INPP5D: variants seen among roughly 807,000 people sequenced by gnomAD.
INPP5D encodes inositol polyphosphate-5-phosphatase D.
A neutral mutation model predicts 122.9 loss-of-function variants in INPP5D; 33 were observed. That is an observed-to-expected ratio of 0.27 (90% CI 0.20 to 0.36). The LOEUF is 0.36. INPP5D is among the 10% of genes least tolerant of loss of function. The pLI is 1.00. For missense variants in INPP5D, 1,053 were observed against 1,412.7 expected (o/e 0.75, Z 4.08); for synonymous variants, 584 against 576.2 (o/e 1.01, Z -0.19).
rs998387692 is a variant in INPP5D, at chr2:233,082,779, T to C, written c.198+3381T>C. Among the ~76,000 whole-genome samples the C allele has an allele frequency of 9.2e-5, 14 of 152,298 alleles. No individual in the cohort carries two copies. In the South Asian group the frequency reaches 1.0e-3, roughly 11 times the overall value. On this transcript the variant is annotated intron_variant, in intron 2 of 26. Coordinates refer to ENST00000445964, the MANE Select transcript of INPP5D (RefSeq NM_001017915.3). This position sits in a 1 kb window ranked among gnomAD's most constrained non-coding sequence, Gnocchi z 4.7. The stretch of plus-strand genomic sequence containing the variant: ...GGGAGGGCAGGATGCAAACTGTAAC[T>C]TCATCCAACCCCCTCGTTCTAAATA...
chr2:233,124,404 A>C (rs1693091197), intron 3 of INPP5D, among the ~76,000 whole-genome samples: 1 of 152,170 alleles, frequency 6.6e-6, no homozygotes, highest in African/African-American at 2.4e-5. Flanking sequence ...CACACTTTTC[A>C]TGGTTGTGCA....
chr2:233,186,887 TA>T (rs1451425731), intron 21 of INPP5D, among the ~76,000 whole-genome samples: 1 of 151,430 alleles, frequency 6.6e-6, no homozygotes, highest in East Asian at 2.0e-4. Context: ...CACACCCATC[TA>T]ATTTTTGTAC....
At chr2:233,193,647 T>C (rs955303629) in intron 22 of INPP5D, among the ~76,000 whole-genome samples, 165 bp from the exon 23 acceptor site, 2 of 152,218 alleles carry the variant, frequency 1.3e-5, no homozygotes, top group African/African-American at 2.4e-5. Flanking sequence ...GTTCTAAGAC[T>C]TGAGACATTT....
intron 2 of INPP5D, among the ~76,000 whole-genome samples, chr2:233,110,609 T>C (rs190934409): frequency 2.6e-5 from 4 of 152,308 alleles, no homozygotes; most frequent in East Asian, 3.9e-4. Context: ...AACAAACTAT[T>C]ACAGTGTTTA....
At chr2:233,084,036 C>G (rs1408140671) in intron 2 of INPP5D, among the ~76,000 whole-genome samples, 1 of 152,086 alleles carries the variant, frequency 6.6e-6, no homozygotes, top group African/African-American at 2.4e-5. Flanking sequence ...ATGGGAGCAC[C>G]CCCAGGTGTT....
chr2:233,073,076 C>T (rs1214948860), intron 1 of INPP5D, among the ~76,000 whole-genome samples: 2 of 152,196 alleles, frequency 1.3e-5, no homozygotes, highest in African/African-American at 2.4e-5. Flanking sequence ...CAGCCCATCC[C>T]CCCTTCACTC....
intron 2 of INPP5D, among the ~76,000 whole-genome samples, chr2:233,118,649 G>A (rs1692875076): frequency 6.6e-6 from 1 of 152,226 alleles, no homozygotes; most frequent in African/African-American, 2.4e-5. Context: ...CAGGCACAGG[G>A]TGCTTCCTGC....
At chr2:233,134,546 T>A (rs1258727717) in intron 5 of INPP5D, among the ~76,000 whole-genome samples, 1 of 152,164 alleles carries the variant, frequency 6.6e-6, no homozygotes, top group Non-Finnish European at 1.5e-5. Flanking sequence ...GTTGTGACGA[T>A]GTCCCCGTGC....
rs1695416911 is a variant in INPP5D, at chr2:233,204,238, A to C, written c.3088A>C (p.Lys1030Gln). ...GTATGGGTCCCTGAGTTCCTTCCCT[A>C]AGCCTGCTCCCAGGAAGGACCAGGA... ...PLYGSLSSFP[K>Q]PAPRKDQESP... The change falls in exon 26 of 27, where the codon AAG (lysine) becomes CAG (glutamine). Residue 1030 changes from lysine (K) to glutamine (Q), a missense_variant. Lys to Gln is a moderately conservative substitution (Grantham distance 53). Around this residue, in one of 6 missense-constraint regions of INPP5D, gnomAD observed 417 missense variants for 425.8 expected, o/e 0.98. Transcript: ENST00000445964. The C allele has an allele frequency of 6.2e-7, 1 of 1,613,418 alleles. No homozygotes were observed. Among genetic ancestry groups the C allele is most frequent in the South Asian group, 1.1e-5 (1 of 91,070 alleles).
At chr2:233,097,349 C>A (rs1362590917) in intron 2 of INPP5D, among the ~76,000 whole-genome samples, 1 of 152,116 alleles carries the variant, frequency 6.6e-6, no homozygotes, top group Non-Finnish European at 1.5e-5. Flanking sequence ...TTAAAATCAG[C>A]TTGTCAAGTT....
rs1692428655 is a variant in INPP5D at position 233,105,058 on chromosome 2, G to C, written c.199-17049G>C. 6.6e-6 allele frequency among the ~76,000 whole-genome samples: 1 copy of C among 152,208 alleles called. No homozygotes were observed. The highest frequency in any genetic ancestry group is 2.4e-5 in the African/African-American group (1 of 41,450). ...TCCAGGCCCCCATTGGCTGTCTTGGGTAGGGATAGGGAATGTGGACCTCCC... is the reference window on the plus strand; with the variant it reads ...TCCAGGCCCCCATTGGCTGTCTTGGCTAGGGATAGGGAATGTGGACCTCCC... On this transcript the variant is annotated intron_variant, in intron 2 of 26. Coordinates refer to ENST00000445964, the MANE Select transcript of INPP5D (RefSeq NM_001017915.3). This position sits in a 1 kb window ranked among gnomAD's most constrained non-coding sequence, Gnocchi z 4.0.
intron 2 of INPP5D, among the ~76,000 whole-genome samples, chr2:233,102,138 C>G (rs975131272): frequency 6.6e-6 from 1 of 152,160 alleles, no homozygotes; most frequent in African/African-American, 2.4e-5. Flanking sequence ...TACTCTAGAT[C>G]GCACAACCAG....
chr2:233,206,010 C>T lies in INPP5D; in HGVS notation c.3568-696C>T, dbSNP rs935483254. 1.3e-5 allele frequency among the ~76,000 whole-genome samples: 2 copies of T among 152,016 alleles called. No homozygotes were observed. The highest frequency in any genetic ancestry group is 6.6e-5 in the Admixed American group (1 of 15,254). ...AGGAGAATTGCTTGAACCCAGGAGG[C>T]GGAGGTTGCAGTGAACCGAGATCGC... On this transcript the variant is annotated intron_variant, in intron 26 of 26. Coordinates refer to ENST00000445964, the MANE Select transcript of INPP5D (RefSeq NM_001017915.3). The surrounding 1 kb of genome is among the most constrained non-coding windows in gnomAD (Gnocchi z 4.0).
At chr2:233,175,875 T>C (rs1032847857) in intron 17 of INPP5D, among the ~76,000 whole-genome samples, 2 of 151,960 alleles carry the variant, frequency 1.3e-5, no homozygotes, top group African/African-American at 4.8e-5. Flanking sequence ...AGAGATGGGG[T>C]TTCGCCATGT....
intron 18 of INPP5D, among the ~76,000 whole-genome samples, chr2:233,181,606 C>G (rs1694786154): frequency 6.6e-6 from 1 of 152,160 alleles, no homozygotes; most frequent in South Asian, 2.1e-4. Flanking sequence ...TTCTCTTGCC[C>G]CTTCCCAAAG....
Position 233,170,555 on chromosome 2 carries a change from C to A in INPP5D, c.1851C>A (p.His617Gln), listed in dbSNP as rs373488970. The change falls in exon 16 of 27, where the codon CAC (histidine) becomes CAA (glutamine). Residue 617 changes from histidine (H) to glutamine (Q), a missense_variant. His to Gln is a conservative substitution (Grantham distance 24, BLOSUM62 0). Transcript: ENST00000445964. This position sits in a 1 kb window ranked among gnomAD's most constrained non-coding sequence, Gnocchi z 4.5. ...KQQQYADLLS[H>Q]DQLLTERREQ... is the part of the protein sequence containing the mutation. ...AGCAGTACGCAGACCTCCTGTCCCA[C>A]GACCAGCTGCTCACAGAGAGGAGGG... 1 of 1,613,714 alleles carries A rather than the reference C, an allele frequency of 6.2e-7. No homozygotes were observed. Among genetic ancestry groups the A allele is most frequent in the Non-Finnish European group, 8.5e-7 (1 of 1,179,778 alleles).
chr2:233,079,486 C>G, intron 2 of INPP5D, 88 bp downstream of exon 2: 2 of 874,042 alleles, frequency 2.3e-6, no homozygotes, highest in Non-Finnish European at 3.8e-6. Context: ...AGGAAGTGCA[C>G]GCGCAGGTAG....
chr2:233,160,108 G>A lies in INPP5D; in HGVS notation c.1138-1616G>A, dbSNP rs1420537203. Among the ~76,000 whole-genome samples, 1 of 152,192 alleles carries A rather than the reference G, an allele frequency of 6.6e-6. No homozygotes were observed. Among genetic ancestry groups the A allele is most frequent in the Non-Finnish European group, 1.5e-5 (1 of 68,040 alleles). On this transcript the variant is annotated intron_variant, in intron 10 of 26. Transcript: ENST00000445964. The surrounding 1 kb of genome is among the most constrained non-coding windows in gnomAD (Gnocchi z 4.2). ...GGGATAAATGGAGGCCATGAATCTT[G>A]AGCCACTCCCAACTCGAGGCAGGTT...
chr2:233,091,093 A>G lies in INPP5D; in HGVS notation c.198+11695A>G, dbSNP rs1691980312. On this transcript the variant is annotated intron_variant, in intron 2 of 26. Transcript: ENST00000445964. ...GGGAGATACTTACTCTTATGACACT[A>G]AACTCCTTCCTGCCCCAGGGTCTTG... Among the ~76,000 whole-genome samples the G allele has an allele frequency of 5.3e-5, 8 of 152,060 alleles. No homozygotes were observed. In the South Asian group the frequency reaches 1.7e-3, roughly 32 times the overall value.
Sources: allele counts gnomAD v4.1 joint callset (sites outside exome capture counted in the v4.1 genomes callset), GRCh38; gene constraint gnomAD v4.1.1; regional missense constraint gnomAD v4.1.1; non-coding constraint Gnocchi (gnomAD v3.1); transcripts MANE v1.5; gene names NCBI Gene and HGNC (gene_info 2026-07-23, HGNC 2026-07-21).